The following NRXN3 variants were observed in gnomAD, a reference collection of about 807,000 sequenced individuals.
NRXN3 encodes the protein neurexin 3.
NRXN3 carries 32 observed loss-of-function variants against 137.6 expected under a neutral mutation model. The ratio of observed to expected loss-of-function variants is 0.23; its 90% CI spans 0.18 to 0.31. The LOEUF (loss-of-function observed/expected upper bound fraction) is 0.31. Ranked by LOEUF, NRXN3 falls within the 10% of genes least tolerant of loss-of-function variation. The pLI, the probability that NRXN3 is intolerant of heterozygous loss-of-function variation, is 1.00. For synonymous variants in NRXN3, 798 were observed against 784.5 expected (o/e 1.02, Z -0.29); for missense variants, 1,574 against 2,062.5 (o/e 0.76, Z 4.59).
intron 16 of NRXN3, among the ~76,000 whole-genome samples, chr14:79,516,567 T>A (rs541839570): frequency 6.6e-6 from 1 of 152,330 alleles, no homozygotes; most frequent in South Asian, 2.1e-4. Flanking sequence ...GTGTGCTTTT[T>A]AAATTTTTGA....
intron 4 of NRXN3, among the ~76,000 whole-genome samples, chr14:78,585,487 C>T (rs545358763): frequency 2.0e-5 from 3 of 152,174 alleles, no homozygotes; most frequent in South Asian, 2.1e-4. Context: ...ATCACTCCTG[C>T]GGAGTGTGGA....
At chr14:79,146,026 G>T (rs2059269660) in intron 15 of NRXN3, among the ~76,000 whole-genome samples, 2 of 152,162 alleles carry the variant, frequency 1.3e-5, no homozygotes, top group African/African-American at 2.4e-5. Context: ...GCTCTTCATG[G>T]CTCTAAAATC....
intron 15 of NRXN3, among the ~76,000 whole-genome samples, chr14:79,196,255 A>G (rs1256042051): frequency 6.6e-6 from 1 of 152,202 alleles, no homozygotes; most frequent in African/African-American, 2.4e-5. Flanking sequence ...ATGTTGCCAT[A>G]ACAGAATGCC....
intron 4 of NRXN3, among the ~76,000 whole-genome samples, chr14:78,629,793 C>A (rs2097503094): frequency 6.6e-6 from 1 of 152,108 alleles, no homozygotes; most frequent in South Asian, 2.1e-4. Flanking sequence ...GGGAGTTCAC[C>A]TTATTCATAG....
intron 4 of NRXN3, among the ~76,000 whole-genome samples, chr14:78,326,639 C>G (rs1226578794): frequency 1.3e-5 from 2 of 152,082 alleles, no homozygotes; most frequent in African/African-American, 2.4e-5. Context: ...ACTAGGACAT[C>G]CAGGAGCAGA....
intron 6 of NRXN3, among the ~76,000 whole-genome samples, chr14:78,667,909 G>A (rs542172647): frequency 2.9e-4 from 44 of 151,972 alleles, no homozygotes; most frequent in Middle Eastern, 3.4e-3. Flanking sequence ...TCTGCCTCCC[G>A]AGTAGCTGGG....
intron 4 of NRXN3, among the ~76,000 whole-genome samples, chr14:78,513,387 G>A (rs1226644933): frequency 2.0e-5 from 3 of 152,070 alleles, no homozygotes; most frequent in Non-Finnish European, 2.9e-5. Context: ...TTAGAAGTTG[G>A]TGGAGACGGC....
intron 15 of NRXN3, among the ~76,000 whole-genome samples, chr14:78,999,417 C>A (rs75374199): frequency 0.018 from 2,788 of 152,190 alleles, 89 homozygotes; most frequent in African/African-American, 0.062. Context: ...ATAACAGATA[C>A]TCAAAATATA....
At chr14:78,178,664 G>C (rs1157097380) in intron 1 of NRXN3, among the ~76,000 whole-genome samples, 6 of 152,164 alleles carry the variant, frequency 3.9e-5, no homozygotes, top group African/African-American at 1.4e-4. Flanking sequence ...TCCAGCACCT[G>C]CTTTGAGCAG....
chr14:78,401,930 C>T (rs866373473), intron 4 of NRXN3, among the ~76,000 whole-genome samples: 3 of 152,208 alleles, frequency 2.0e-5, no homozygotes, highest in Non-Finnish European at 1.5e-5. Flanking sequence ...AGCCTGCATT[C>T]GATTCCAGGT....
intron 4 of NRXN3, among the ~76,000 whole-genome samples, chr14:78,519,676 G>C (rs2096259577): frequency 1.3e-5 from 2 of 152,102 alleles, no homozygotes; most frequent in Admixed American, 6.6e-5. Context: ...AATTGCTAAA[G>C]GAGTTAGCAA....
chr14:78,949,822 G>T (rs1287103663), intron 10 of NRXN3, among the ~76,000 whole-genome samples: 2 of 152,088 alleles, frequency 1.3e-5, no homozygotes, highest in African/African-American at 4.8e-5. Flanking sequence ...TAATATTAAT[G>T]TACTAGACCT....
At chr14:78,501,081 C>T (rs1407040490) in intron 4 of NRXN3, among the ~76,000 whole-genome samples, 1 of 152,148 alleles carries the variant, frequency 6.6e-6, no homozygotes, top group Admixed American at 6.5e-5. Flanking sequence ...TGACATGCAA[C>T]TTCCACAAAG....
intron 19 of NRXN3, among the ~76,000 whole-genome samples, chr14:79,792,795 G>A (rs1010591977): frequency 5.3e-5 from 8 of 152,200 alleles, no homozygotes; most frequent in African/African-American, 1.9e-4. Flanking sequence ...TAAAGCCAAT[G>A]CGAGCAAAGG....
intron 15 of NRXN3, among the ~76,000 whole-genome samples, chr14:79,171,485 G>T (rs2061774255): frequency 6.6e-6 from 1 of 152,070 alleles, no homozygotes; most frequent in East Asian, 1.9e-4. Flanking sequence ...ATCATTGAAA[G>T]ATACAGTCCC....
intron 16 of NRXN3, among the ~76,000 whole-genome samples, chr14:79,530,967 T>C (rs1256670384): frequency 2.6e-5 from 4 of 152,178 alleles, no homozygotes; most frequent in African/African-American, 4.8e-5. Context: ...TGAAGAAATG[T>C]CTTCATTAAT....
chr14:78,944,135 G>A (rs1407802349), intron 10 of NRXN3, among the ~76,000 whole-genome samples: 1 of 152,126 alleles, frequency 6.6e-6, no homozygotes, highest in Non-Finnish European at 1.5e-5. Context: ...ATGGAGTGGA[G>A]TCTGATGCAG....
At chr14:78,719,857 A>C (rs1014331252) in intron 8 of NRXN3, among the ~76,000 whole-genome samples, 1 of 151,762 alleles carries the variant, frequency 6.6e-6, no homozygotes, top group Non-Finnish European at 1.5e-5. Context: ...AGAAAAGAAA[A>C]TAGTGAAAAT....
chr14:78,659,362 T>TA (rs541948124), intron 6 of NRXN3, among the ~76,000 whole-genome samples: 188 of 152,218 alleles, frequency 1.2e-3, no homozygotes, highest in Non-Finnish European at 1.8e-3. Flanking sequence ...AGAGCTTTTT[T>TA]ATGGGTTGAC....
Sources: gnomAD v4.1 joint callset for allele counts (sites outside exome capture counted in the v4.1 genomes callset) on GRCh38, gnomAD v4.1.1 for gene constraint, MANE v1.5 for transcripts, NCBI Gene and HGNC (gene_info 2026-07-23, HGNC 2026-07-21) for gene names.